The following MRAS variants were observed in gnomAD, a reference collection of about 807,000 sequenced individuals.
MRAS encodes the protein muscle RAS oncogene homolog.
MRAS carries 4 observed loss-of-function variants against 20.9 expected under a neutral mutation model. The observed-to-expected ratio is 0.19, with a 90% CI of 0.09 to 0.44. The LOEUF is 0.44. Ranked by LOEUF, MRAS falls within the 20% of genes least tolerant of loss-of-function variation. MRAS has a pLI of 0.99. For synonymous variants in MRAS, 98 were observed against 102.9 expected, an observed-to-expected ratio of 0.95 and a Z score of 0.29; for missense variants, 154 against 277.5, an observed-to-expected ratio of 0.56 and a Z score of 3.16.
chr3:138,360,067 C>T (rs2054413649), intron 1 of MRAS, among the ~76,000 whole-genome samples: 1 of 152,186 alleles, frequency 6.6e-6, no homozygotes, highest in Non-Finnish European at 1.5e-5. Flanking sequence ...TCAGTAATCT[C>T]CTGTTTGCAC....
chr3:138,403,900 G>A lies in MRAS; in HGVS notation c.*1631G>A, dbSNP rs537762805. 3.3e-5 allele frequency: 5 copies of A among 152,234 alleles called. No homozygotes were observed. Among genetic ancestry groups the A allele is most frequent in the Non-Finnish European group, 7.3e-5 (5 of 68,048 alleles). 9.4% of individuals were successfully genotyped at this position (152,234 alleles called of 1,614,324 possible). The stretch of plus-strand genomic sequence containing the variant: ...CTGGATGCCAAGACACCCGGGTTCT[G>A]AAAATGTGCTGTGTTCCTACCTCGG... On this transcript the variant is annotated 3_prime_UTR_variant, in exon 6 of 6. Coordinates refer to ENST00000423968, the MANE Select transcript of MRAS (RefSeq NM_001085049.3).
intron 3 of MRAS, 78 bp from the exon 4 acceptor site, chr3:138,398,391 G>A (rs1301796784): frequency 8.3e-7 from 1 of 1,207,684 alleles, no homozygotes; most frequent in Non-Finnish European, 1.2e-6. Context: ...TGCTATGCCT[G>A]AGATGTGAAT....
chr3:138,380,768 CT>C (rs200660339), intron 2 of MRAS, among the ~76,000 whole-genome samples: 2,076 of 149,984 alleles, frequency 0.014, 47 homozygotes, highest in African/African-American at 0.049. Flanking sequence ...AATTTCTTTC[CT>C]TTTTTTTTCT....
chr3:138,352,188 G>A (rs2054242543), intron 1 of MRAS, among the ~76,000 whole-genome samples: 1 of 152,238 alleles, frequency 6.6e-6, no homozygotes, highest in Non-Finnish European at 1.5e-5. Flanking sequence ...GGTTCAGGCT[G>A]AGGTGGAGAC....
chr3:138,364,884 G>A (rs1047958781), intron 1 of MRAS, among the ~76,000 whole-genome samples: 1 of 152,216 alleles, frequency 6.6e-6, no homozygotes, highest in Non-Finnish European at 1.5e-5. Context: ...GTCTGACCTT[G>A]GGGGTGTCTT....
At position 138,378,069 on chromosome 3, in the gene MRAS, G is replaced by T. The variant is rs945620123; in HGVS notation, c.193+4993G>T. On this transcript the variant is annotated intron_variant, in intron 2 of 5. Transcript: ENST00000423968. Reference sequence around the variant, plus strand: ...CCCCCACAGCACAGTGGATCCTTGTGCCTCTGGGAAGGGGAGCTGAAGTCC... The same window carrying T: ...CCCCCACAGCACAGTGGATCCTTGTTCCTCTGGGAAGGGGAGCTGAAGTCC... 2.6e-5 allele frequency among the ~76,000 whole-genome samples: 4 copies of T among 152,222 alleles called. No homozygotes were observed. In the East Asian group the frequency reaches 7.7e-4, roughly 29 times the overall value.
At chr3:138,388,833 A>G (rs2055069787) in intron 2 of MRAS, among the ~76,000 whole-genome samples, 1 of 152,100 alleles carries the variant, frequency 6.6e-6, no homozygotes, top group African/African-American at 2.4e-5. Flanking sequence ...TAGGGGTGTC[A>G]TAAAAGTTTT....
intron 1 of MRAS, among the ~76,000 whole-genome samples, chr3:138,358,828 G>T (rs951837569): frequency 3.3e-5 from 5 of 152,180 alleles, no homozygotes; most frequent in African/African-American, 1.2e-4. Flanking sequence ...GTGCAGTGGG[G>T]GTCAGAGAAG....
Position 138,372,760 on chromosome 3 carries a change from C to T in MRAS, c.-18-106C>T. On this transcript the variant is annotated intron_variant, in intron 1 of 5. Coordinates refer to ENST00000423968, the MANE Select transcript of MRAS (RefSeq NM_001085049.3). ...CTTTTGCATTTCTTCATTTTCAAAC[C>T]TCTTTATAATTGAGAGTATTACTTT... is the stretch of plus-strand genomic sequence containing the variant. The T allele has an allele frequency of 6.2e-6, 5 of 812,936 alleles. No homozygotes were observed. The South Asian group carries it at 1.4e-4, about 22-fold the overall frequency. 50.4% of individuals were successfully genotyped at this position (812,936 alleles called of 1,614,324 possible). A position where few individuals can be genotyped will look rare whatever the true frequency, so the allele number is the denominator to read the frequency against.
chr3:138,397,421 G>C lies in MRAS; in HGVS notation c.291G>C (p.Lys97Asn). ...GFLIVYSVTD[K>N]ASFEHVDRFH... ...TCATCGTCTACTCCGTCACTGACAAGGCCAGCTTTGAGCACGTGGACCGCT... is the reference window on the plus strand; with the variant it reads ...TCATCGTCTACTCCGTCACTGACAACGCCAGCTTTGAGCACGTGGACCGCT... Residue 97 changes from lysine (K) to asparagine (N), a missense_variant, in exon 3 of 6, where the codon AAG becomes AAC. Physicochemically the swap from Lys to Asn is moderately conservative, Grantham distance 94 (BLOSUM62 0). Coordinates refer to ENST00000423968, the MANE Select transcript of MRAS (RefSeq NM_001085049.3). 3 of 1,614,182 alleles carry C rather than the reference G, an allele frequency of 1.9e-6. No individual in the cohort carries two copies. The highest frequency in any genetic ancestry group is 2.5e-6 in the Non-Finnish European group (3 of 1,180,030).
At chr3:138,354,213 C>T (rs983696733) in intron 1 of MRAS, among the ~76,000 whole-genome samples, 2 of 152,050 alleles carry the variant, frequency 1.3e-5, no homozygotes, top group African/African-American at 4.8e-5. Flanking sequence ...ACAAATGAAC[C>T]CCTAAATCAT....
intron 1 of MRAS, among the ~76,000 whole-genome samples, chr3:138,356,919 G>C (rs2054347584): frequency 6.6e-6 from 1 of 152,200 alleles, no homozygotes; most frequent in Admixed American, 6.5e-5. Flanking sequence ...ACCCACCGCA[G>C]TGGACAGCTG....
At chr3:138,383,133 G>T (rs967042758) in intron 2 of MRAS, among the ~76,000 whole-genome samples, 3 of 152,142 alleles carry the variant, frequency 2.0e-5, no homozygotes, top group Admixed American at 2.0e-4. Context: ...AATACAAATT[G>T]TGAGTTCCTT....
At chr3:138,348,870 C>T (rs2054168698) in intron 1 of MRAS, 103 bp downstream of exon 1, 1 of 151,910 alleles carries the variant, frequency 6.6e-6, no homozygotes. Flanking sequence ...GCCCTCCGGG[C>T]TCGGCCGCGC....
chr3:138,354,960 T>G (rs1268408655), intron 1 of MRAS, among the ~76,000 whole-genome samples: 1 of 152,076 alleles, frequency 6.6e-6, no homozygotes, highest in Non-Finnish European at 1.5e-5. Context: ...TAAAAAAATT[T>G]TTTTTGTAGA....
At chr3:138,350,292 GA>G (rs1311257700) in intron 1 of MRAS, 2 of 152,212 alleles carry the variant, frequency 1.3e-5, no homozygotes, top group African/African-American at 4.8e-5. Context: ...GAGTGGGGCT[GA>G]AAATGTTTCG....
chr3:138,365,067 C>A (rs2054532206), intron 1 of MRAS, among the ~76,000 whole-genome samples: 3 of 152,318 alleles, frequency 2.0e-5, no homozygotes, highest in African/African-American at 7.2e-5. Flanking sequence ...TGTTTCAGAT[C>A]CCGACACTGC....
At chr3:138,373,980 G>A (rs573777994) in intron 2 of MRAS, among the ~76,000 whole-genome samples, 5 of 151,432 alleles carry the variant, frequency 3.3e-5, no homozygotes, top group African/African-American at 1.2e-4. Context: ...TTGGGGGGAC[G>A]GAGTCTCGCT....
chr3:138,359,847 T>C (rs2054408440), intron 1 of MRAS, among the ~76,000 whole-genome samples: 1 of 152,260 alleles, frequency 6.6e-6, no homozygotes, highest in Non-Finnish European at 1.5e-5. Context: ...GATGTGTGTG[T>C]GCTCAAGAAG....
Sources: gnomAD v4.1 joint callset for allele counts (sites outside exome capture counted in the v4.1 genomes callset) on GRCh38, gnomAD v4.1.1 for gene constraint, MANE v1.5 for transcripts, NCBI Gene and HGNC (gene_info 2026-07-23, HGNC 2026-07-21) for gene names.